Variants in DISC1 observed in about 807,000 individuals in gnomAD.
DISC1 encodes the protein DISC1 scaffold protein.
In DISC1, 57 loss-of-function variants were observed where a neutral mutation model predicts 84.5. The observed-to-expected ratio is 0.67, with a 90% confidence interval of 0.55 to 0.84. The LOEUF is 0.84. Among genes scored for constraint, DISC1 ranks in the 40% least tolerant of loss-of-function variants. The pLI is 0.00. For synonymous variants in DISC1, 411 were observed against 415.2 expected (o/e 0.99, Z 0.12); for missense variants, 1,000 against 1,057.8 (o/e 0.95, Z 0.76).
At chr1:232,025,945 G>A (rs974051857) in intron 11 of DISC1, among the ~76,000 whole-genome samples, 1 of 152,092 alleles carries the variant, frequency 6.6e-6, no homozygotes, top group East Asian at 1.9e-4. Context: ...ACACCTCATG[G>A]CACTTAAATT....
chr1:232,002,863 A>C (rs1174828659), intron 10 of DISC1, among the ~76,000 whole-genome samples: 1 of 152,130 alleles, frequency 6.6e-6, no homozygotes, highest in East Asian at 1.9e-4. Flanking sequence ...AACTTACATA[A>C]GTGATAAAAT....
intron 11 of DISC1, among the ~76,000 whole-genome samples, chr1:232,018,967 A>T (rs905701469): frequency 4.6e-5 from 7 of 152,178 alleles, no homozygotes; most frequent in Non-Finnish European, 8.8e-5. Context: ...GGGTGAAATG[A>T]TCTCTTGGAA....
chr1:231,786,011 A>T (rs1191004472), intron 6 of DISC1, among the ~76,000 whole-genome samples: 1 of 152,106 alleles, frequency 6.6e-6, no homozygotes, highest in Non-Finnish European at 1.5e-5. Flanking sequence ...TATCTCTATT[A>T]TCTATTATAT....
At chr1:231,817,915 T>TAA (rs2081186921) in intron 8 of DISC1, among the ~76,000 whole-genome samples, 2 of 152,164 alleles carry the variant, frequency 1.3e-5, no homozygotes, top group Non-Finnish European at 2.9e-5. Context: ...GGGGAGGAAT[T>TAA]TAATTTAGGT....
In DISC1 at chr1:232,002,763, G is replaced by A. The variant is rs11807173; in HGVS notation, c.2043-6022G>A. Among the ~76,000 whole-genome samples, 242 of 152,264 alleles carry A rather than the reference G, an allele frequency of 1.6e-3. 1 individual carries two copies. The highest frequency in any genetic ancestry group is 5.6e-3 in the African/African-American group (232 of 41,550). ...AGGGACTAGAGAGGGGGAGGCATGGGACGTAGGCAGGTGTGGTTATAAAAG... is the reference window on the plus strand; with the variant it reads ...AGGGACTAGAGAGGGGGAGGCATGGAACGTAGGCAGGTGTGGTTATAAAAG... On this transcript the variant is annotated intron_variant, in intron 10 of 12. Coordinates refer to ENST00000439617, the MANE Select transcript of DISC1 (RefSeq NM_018662.3).
chr1:231,822,419 A>G (rs1329089811), intron 9 of DISC1, among the ~76,000 whole-genome samples: 3 of 152,180 alleles, frequency 2.0e-5, no homozygotes, highest in African/African-American at 7.2e-5. Context: ...TGCCCAGCCT[A>G]AACTCATTTG....
At chr1:231,861,986 G>A (rs1372266738) in intron 9 of DISC1, among the ~76,000 whole-genome samples, 2 of 152,180 alleles carry the variant, frequency 1.3e-5, no homozygotes, top group Non-Finnish European at 1.5e-5. Flanking sequence ...CATTTCCATA[G>A]TGTAAATCTC....
intron 1 of DISC1, among the ~76,000 whole-genome samples, chr1:231,667,978 C>T (rs1173646223): frequency 6.6e-6 from 1 of 151,600 alleles, no homozygotes. Flanking sequence ...ATTACTTGAA[C>T]CTGGGAGATG....
chr1:231,636,062 C>T (rs2059173236), intron 1 of DISC1, among the ~76,000 whole-genome samples: 1 of 152,146 alleles, frequency 6.6e-6, no homozygotes, highest in African/African-American at 2.4e-5. Flanking sequence ...GAAAGAAGGG[C>T]TCCTTTAATT....
intron 8 of DISC1, among the ~76,000 whole-genome samples, chr1:231,802,833 C>T (rs2079382712): frequency 6.6e-6 from 1 of 151,988 alleles, no homozygotes; most frequent in Non-Finnish European, 1.5e-5. Flanking sequence ...TTTGCCACTA[C>T]AAGGATCTTT....
intron 1 of DISC1, among the ~76,000 whole-genome samples, chr1:231,655,874 G>A (rs1442337385): frequency 1.3e-5 from 2 of 152,056 alleles, no homozygotes; most frequent in African/African-American, 4.8e-5. Flanking sequence ...TTTTTCGTAT[G>A]TTTCTTGGCC....
At chr1:231,852,850 T>C (rs1399235089) in intron 9 of DISC1, among the ~76,000 whole-genome samples, 5 of 152,242 alleles carry the variant, frequency 3.3e-5, no homozygotes, top group Admixed American at 1.3e-4. Context: ...GGGATTTTTG[T>C]TTTTAACATG....
chr1:231,934,663 G>T (rs554184294), intron 9 of DISC1, among the ~76,000 whole-genome samples: 1 of 152,320 alleles, frequency 6.6e-6, no homozygotes, highest in African/African-American at 2.4e-5. Context: ...CTAAATCAAT[G>T]ATTGTTAGGT....
rs2058297379 is a variant in DISC1 at position 231,626,931 on chromosome 1, G to A, written c.64G>A (p.Ala22Thr). Reference protein sequence around the residue: ...AAGGGGVSHRAGSRDCLPPAA... With the variant: ...AAGGGGVSHRTGSRDCLPPAA... Reference sequence around the variant, plus strand: ...CGGCGGCGGCGGCGTGAGCCACCGCGCAGGTAGGGGAGCTGCCACAGAGTC... The same window carrying A: ...CGGCGGCGGCGGCGTGAGCCACCGCACAGGTAGGGGAGCTGCCACAGAGTC... Residue 22 changes from alanine to threonine, a missense_variant, in exon 1 of 13, where the codon GCA becomes ACA. By Grantham distance (58) the Ala-to-Thr change is moderately conservative. Coordinates refer to ENST00000439617, the MANE Select transcript of DISC1 (RefSeq NM_018662.3). The A allele has an allele frequency of 6.6e-7, 1 of 1,503,876 alleles. No individual in the cohort carries two copies. Among genetic ancestry groups the A allele is most frequent in the East Asian group, 2.6e-5 (1 of 37,784 alleles). 93.2% of individuals were successfully genotyped at this position (1,503,876 alleles called of 1,614,324 possible).
chr1:231,780,759 C>G (rs551097303), intron 6 of DISC1, among the ~76,000 whole-genome samples: 1 of 86,864 alleles, frequency 1.2e-5, no homozygotes, highest in Non-Finnish European at 2.3e-5. Context: ...TGGAACCAAC[C>G]CAGATGTCCA....
chr1:231,858,534 C>T (rs754014058), intron 9 of DISC1, among the ~76,000 whole-genome samples: 8 of 152,056 alleles, frequency 5.3e-5, no homozygotes, highest in East Asian at 1.9e-4. Flanking sequence ...TGGTCTGTGT[C>T]GCATGCTGTC....
At chr1:231,827,766 C>T (rs2081962686) in intron 9 of DISC1, among the ~76,000 whole-genome samples, 3 of 152,168 alleles carry the variant, frequency 2.0e-5, no homozygotes, top group African/African-American at 7.2e-5. Context: ...ATCCACTTTC[C>T]ATTGAGGCTT....
intron 1 of DISC1, among the ~76,000 whole-genome samples, 178 bp downstream of exon 1, chr1:231,627,112 G>T (rs1044638249): frequency 1.3e-5 from 2 of 152,198 alleles, no homozygotes; most frequent in African/African-American, 4.8e-5. Flanking sequence ...AGCGAGTCTT[G>T]GGCTGCCAGC....
intron 1 of DISC1, among the ~76,000 whole-genome samples, chr1:231,658,667 A>G (rs962142262): frequency 3.9e-5 from 6 of 152,092 alleles, no homozygotes; most frequent in Non-Finnish European, 8.8e-5. Flanking sequence ...TACCTAGTTT[A>G]TTGAGAATTT....
Sources: gnomAD v4.1 joint callset for allele counts (sites outside exome capture counted in the v4.1 genomes callset) on GRCh38, gnomAD v4.1.1 for gene constraint, MANE v1.5 for transcripts, NCBI Gene and HGNC (gene_info 2026-07-23, HGNC 2026-07-21) for gene names.